CTBP2: variants seen among roughly 807,000 people sequenced by gnomAD.
CTBP2 encodes the protein C-terminal-binding protein 2.
A neutral mutation model predicts 80.3 loss-of-function variants in CTBP2; 30 were observed. The observed-to-expected ratio is 0.37, with a 90% CI of 0.28 to 0.51. CTBP2 has a LOEUF of 0.51. Ranked by LOEUF, CTBP2 falls within the 20% of genes least tolerant of loss-of-function variation. CTBP2 has a pLI of 0.93. For synonymous variants in CTBP2, 594 were observed against 587.4 expected (o/e 1.01, Z -0.16); for missense variants, 1,212 against 1,375.3 (o/e 0.88, Z 1.88).
At chr10:124,994,132 G>T in intron 5 of CTBP2, 147 bp from the exon 8 acceptor site, 2 of 1,148,260 alleles carry the variant, frequency 1.7e-6, no homozygotes, top group Non-Finnish European at 2.5e-6. Context: ...GGAGTGGGAA[G>T]TGTTGGTGAC....
chr10:125,091,763 T>C (rs1018300139), intron 2 of CTBP2, among the ~76,000 whole-genome samples: 1 of 152,162 alleles, frequency 6.6e-6, no homozygotes, highest in Non-Finnish European at 1.5e-5. Flanking sequence ...AGTGAGACCC[T>C]GTCTTGGAAA....
In CTBP2 at chr10:125,027,784, G is replaced by A; in HGVS notation, c.-25C>T. 1 of 1,510,220 alleles carries A rather than the reference G, an allele frequency of 6.6e-7. No homozygotes were observed. 93.6% of individuals were successfully genotyped at this position (1,510,220 alleles called of 1,614,324 possible). On this transcript the variant is annotated 5_prime_UTR_variant, in exon 1 of 9. Coordinates refer to ENST00000309035, the MANE Select transcript of CTBP2 (RefSeq NM_022802.3). ...TTGGAAAAAAAATGACTGCGGATGA[G>A]GCAGAGGAGAAGCTTTTCTTTATAA...
chr10:124,994,797 C>T, intron 4 of CTBP2, 114 bp from the exon 7 acceptor site: 1 of 1,043,512 alleles, frequency 9.6e-7, no homozygotes, highest in Non-Finnish European at 1.4e-6. Flanking sequence ...GTAGCTGCTG[C>T]CAGAGAAACC....
At chr10:125,020,214 T>A (rs3781422) in intron 1 of CTBP2, among the ~76,000 whole-genome samples, 68,707 of 151,896 alleles carry the variant, frequency 0.45, 16,646 homozygotes, top group East Asian at 0.67. Context: ...GGAGCAACAA[T>A]CCCTGGAGGG....
At chr10:125,079,212 C>T (rs186475905) in intron 2 of CTBP2, among the ~76,000 whole-genome samples, 12 of 150,846 alleles carry the variant, frequency 8.0e-5, no homozygotes, top group South Asian at 2.1e-4. Flanking sequence ...CAGGAGCTTT[C>T]GGGAGCCTGC....
intron 3 of CTBP2, chr10:124,999,124 A>G (rs1458032650): frequency 1.3e-5 from 2 of 152,330 alleles, no homozygotes; most frequent in Non-Finnish European, 2.9e-5. Context: ...AGCAGAGACC[A>G]GAGGGGCCGA....
chr10:125,150,694 G>C (rs1004089615), intron 1 of CTBP2, among the ~76,000 whole-genome samples: 10 of 151,122 alleles, frequency 6.6e-5, no homozygotes, highest in Middle Eastern at 6.8e-3. Context: ...CTGGAGAGCC[G>C]ATCTCAAGGC....
In CTBP2 at chr10:125,003,400, G is replaced by A; in HGVS notation, c.1771C>T (p.Leu591=). The stretch of plus-strand genomic sequence containing the variant: ...AAGGCCACAGTGGCCAGGTCCTTCA[G>A]GATGGGCATCTCCACAGTGCAGTCG... Residue 591 remains leucine (L), a synonymous_variant, in exon 2 of 9, where the codon CTG becomes TTG. Transcript: ENST00000309035. 6.2e-7 allele frequency: 1 copy of A among 1,606,172 alleles called. No homozygotes were observed. The highest frequency in any genetic ancestry group is 8.5e-7 in the Non-Finnish European group (1 of 1,178,260).
chr10:125,077,754 T>G (rs1339128970), intron 2 of CTBP2, among the ~76,000 whole-genome samples: 1 of 152,184 alleles, frequency 6.6e-6, no homozygotes, highest in Admixed American at 6.5e-5. Flanking sequence ...CCACCCCAGC[T>G]GATGCCCACG....
intron 1 of CTBP2, among the ~76,000 whole-genome samples, chr10:125,115,039 T>C (rs966492176): frequency 6.6e-6 from 1 of 152,146 alleles, no homozygotes; most frequent in African/African-American, 2.4e-5. Context: ...CTCCTACTAC[T>C]GTCCCGCCGT....
chr10:125,156,327 C>T (rs541441965), intron 1 of CTBP2, among the ~76,000 whole-genome samples: 9 of 152,340 alleles, frequency 5.9e-5, no homozygotes, highest in African/African-American at 2.2e-4. Context: ...ATGATGACAG[C>T]CCCTCTCTAT....
chr10:125,092,887 G>A (rs972377029), intron 2 of CTBP2, among the ~76,000 whole-genome samples: 1 of 152,224 alleles, frequency 6.6e-6, no homozygotes, highest in Non-Finnish European at 1.5e-5. Flanking sequence ...CACACACAGC[G>A]CCAGGAAAAC....
At chr10:125,150,673 C>T (rs990752794) in intron 1 of CTBP2, among the ~76,000 whole-genome samples, 5 of 151,178 alleles carry the variant, frequency 3.3e-5, no homozygotes, top group Non-Finnish European at 5.9e-5. Flanking sequence ...CAGCGCTGTG[C>T]TTGGCCAGGG....
intron 2 of CTBP2, 36 bp from the exon 3 acceptor site, chr10:125,039,191 G>T: frequency 1.4e-6 from 1 of 713,292 alleles, no homozygotes; most frequent in Non-Finnish European, 2.3e-6. Flanking sequence ...ACTCTCTGGA[G>T]ACCCTCTGGG....
Position 125,098,738 on chromosome 10 carries a change from G to A in CTBP2, c.-102+12252C>T, listed in dbSNP as rs1016160657. On this transcript the variant is annotated intron_variant, in intron 2 of 10. Coordinates refer to the CTBP2 transcript ENST00000337195. ...AGAGAGAGAGACAGAGAGAGAGAGA[G>A]AGAGAGAGAGACAGAGAGAGAGAGA... is the stretch of plus-strand genomic sequence containing the variant. Among the ~76,000 whole-genome samples the A allele has an allele frequency of 6.0e-3, 611 of 102,182 alleles. 20 individuals carry two copies. The highest frequency in any genetic ancestry group is 0.024 in the African/African-American group (571 of 23,424). The allele number at this position is 102,182 out of a possible 152,430, so 67.0% of individuals were successfully genotyped here.
chr10:125,026,030 C>G lies in CTBP2; in HGVS notation c.1678+52G>C. On this transcript the variant is annotated intron_variant, in intron 1 of 8. Coordinates refer to ENST00000309035, the MANE Select transcript of CTBP2 (RefSeq NM_022802.3). Reference sequence around the variant, plus strand: ...TGTTCAAACTTCTACAACCCCGCACCCCCCTGCTCCCCCCAGGTCCCCAGG... The same window carrying G: ...TGTTCAAACTTCTACAACCCCGCACGCCCCTGCTCCCCCCAGGTCCCCAGG... 2.6e-6 allele frequency: 4 copies of G among 1,521,082 alleles called. No homozygotes were observed. The South Asian group carries it at 5.2e-5, about 20-fold the overall frequency. 94.2% of individuals were successfully genotyped at this position (1,521,082 alleles called of 1,614,324 possible).
chr10:125,072,271 A>G (rs1056413212), intron 2 of CTBP2, among the ~76,000 whole-genome samples: 17 of 152,148 alleles, frequency 1.1e-4, no homozygotes, highest in Non-Finnish European at 4.4e-5. Flanking sequence ...ACTCCGTCTC[A>G]AAAAAGAAAA....
intron 2 of CTBP2, among the ~76,000 whole-genome samples, chr10:125,097,478 C>T (rs746173281): frequency 2.0e-5 from 3 of 152,162 alleles, no homozygotes; most frequent in Non-Finnish European, 4.4e-5. Flanking sequence ...GGAGAAGTCA[C>T]AAGCCGCACT....
intron 2 of CTBP2, among the ~76,000 whole-genome samples, chr10:125,101,248 C>T (rs1168895278): frequency 6.6e-6 from 1 of 152,266 alleles, no homozygotes; most frequent in Admixed American, 6.5e-5. Context: ...CCCGGCCTCT[C>T]CCAGTGTGGC....
Sources: gnomAD v4.1 joint callset for allele counts (sites outside exome capture counted in the v4.1 genomes callset) on GRCh38, gnomAD v4.1.1 for gene constraint, MANE v1.5 for transcripts, NCBI Gene and HGNC (gene_info 2026-07-23, HGNC 2026-07-21) for gene names.